Variants in FMN2 observed in about 807,000 individuals in gnomAD.
FMN2 encodes the protein formin-2.
In FMN2, 51 loss-of-function variants were observed where a neutral mutation model predicts 142.3. The observed-to-expected ratio is 0.36, with a 90% confidence interval of 0.29 to 0.45. FMN2 has a LOEUF of 0.45. Among genes scored for constraint, FMN2 ranks in the 20% least tolerant of loss-of-function variants. The probability of loss-of-function intolerance (pLI) is 1.00; values close to 1 mark genes in which losing one functional copy is unlikely to be tolerated. For synonymous variants in FMN2, 882 were observed against 869.8 expected (o/e 1.01, Z -0.25); for missense variants, 1,936 against 2,122.8 (o/e 0.91, Z 1.73).
At position 240,101,940 on chromosome 1, in the gene FMN2, T is replaced by G. The variant is rs148649404; in HGVS notation, c.1615+8216T>G. On this transcript the variant is annotated intron_variant, in intron 1 of 17. Transcript: ENST00000319653. ...AAATATACTGAGTCATTACTTTTAGTTTCATTATCTGCAATGTAAGTCATC... is the reference window on the plus strand; with the variant it reads ...AAATATACTGAGTCATTACTTTTAGGTTCATTATCTGCAATGTAAGTCATC... Among the ~76,000 whole-genome samples, 927 of 152,318 alleles carry G rather than the reference T, an allele frequency of 6.1e-3. 3 individuals are homozygous for G. The highest frequency in any genetic ancestry group is 0.031 in the South Asian group (151 of 4,826).
At chr1:240,301,034 A>G (rs1670181921) in intron 8 of FMN2, among the ~76,000 whole-genome samples, 1 of 151,658 alleles carries the variant, frequency 6.6e-6, no homozygotes, top group African/African-American at 2.4e-5. Flanking sequence ...TTCTTGGAGC[A>G]TTTAGATTGT....
intron 8 of FMN2, among the ~76,000 whole-genome samples, chr1:240,319,823 A>G (rs1269090182): frequency 6.6e-6 from 1 of 152,194 alleles, no homozygotes; most frequent in Non-Finnish European, 1.5e-5. Context: ...GCTTAGCACC[A>G]TTCATAAACT....
chr1:240,297,421 C>G (rs980020843), intron 8 of FMN2, among the ~76,000 whole-genome samples: 2 of 151,694 alleles, frequency 1.3e-5, no homozygotes, highest in Non-Finnish European at 2.9e-5. Context: ...TGGTGAAACC[C>G]CGTCTCTACT....
chr1:240,289,365 T>C (rs1669697962), intron 7 of FMN2, among the ~76,000 whole-genome samples: 1 of 152,072 alleles, frequency 6.6e-6, no homozygotes, highest in East Asian at 1.9e-4. Flanking sequence ...AGTAATCCTA[T>C]CATATTGAAT....
chr1:240,339,508 T>C (rs1671676263), intron 13 of FMN2, among the ~76,000 whole-genome samples: 1 of 152,098 alleles, frequency 6.6e-6, no homozygotes, highest in Admixed American at 6.6e-5. Context: ...ACTACTGTTT[T>C]ATGATTTTTA....
At chr1:240,351,028 G>A (rs1204111986) in intron 13 of FMN2, among the ~76,000 whole-genome samples, 1 of 152,210 alleles carries the variant, frequency 6.6e-6, no homozygotes, top group African/African-American at 2.4e-5. Flanking sequence ...TGGTAATACA[G>A]CAAAGTGAGT....
chr1:240,380,347 A>T (rs981776436), intron 14 of FMN2, among the ~76,000 whole-genome samples: 3 of 152,168 alleles, frequency 2.0e-5, no homozygotes, highest in Non-Finnish European at 4.4e-5. Context: ...AAAACTACAC[A>T]AGCATGTGGA....
intron 15 of FMN2, among the ~76,000 whole-genome samples, chr1:240,428,892 C>T (rs923407401): frequency 6.6e-6 from 1 of 152,152 alleles, no homozygotes; most frequent in Admixed American, 6.6e-5. Flanking sequence ...TGTTTCTGTT[C>T]CATTGCCTTG....
At position 240,453,991 on chromosome 1, in the gene FMN2, G is replaced by C. The variant is rs1479062168; in HGVS notation, c.5060+15781G>C. Among the ~76,000 whole-genome samples, 2 of 6,818 alleles carry C rather than the reference G, an allele frequency of 2.9e-4. 1 individual carries two copies. Among genetic ancestry groups the C allele is most frequent in the African/African-American group, 7.4e-4 (2 of 2,708 alleles). 4.5% of individuals were successfully genotyped at this position (6,818 alleles called of 152,430 possible). On this transcript the variant is annotated intron_variant, in intron 16 of 17. Transcript: ENST00000319653. ...GGCCTGGGCGACAGAGCGAGACTCTGCCTCAAAAAAAAAAAAAAAAAAAAA... is the reference window on the plus strand; with the variant it reads ...GGCCTGGGCGACAGAGCGAGACTCTCCCTCAAAAAAAAAAAAAAAAAAAAA...
chr1:240,101,501 T>G (rs1163533372), intron 1 of FMN2, among the ~76,000 whole-genome samples: 1 of 151,210 alleles, frequency 6.6e-6, no homozygotes, highest in African/African-American at 2.4e-5. Flanking sequence ...CGTGTGTGTG[T>G]GTGTGTATGT....
chr1:240,221,734 T>A (rs930484639), intron 6 of FMN2, among the ~76,000 whole-genome samples: 1 of 152,126 alleles, frequency 6.6e-6, no homozygotes, highest in Non-Finnish European at 1.5e-5. Context: ...TGCTCTTTAA[T>A]TAGATCCCGT....
At chr1:240,276,419 A>G (rs1669214882) in intron 7 of FMN2, among the ~76,000 whole-genome samples, 1 of 152,024 alleles carries the variant, frequency 6.6e-6, no homozygotes, top group African/African-American at 2.4e-5. Context: ...GTGAGGGACA[A>G]TATAATTTGA....
chr1:240,244,764 A>G (rs1216182452), intron 6 of FMN2, among the ~76,000 whole-genome samples: 1 of 152,114 alleles, frequency 6.6e-6, no homozygotes, highest in Non-Finnish European at 1.5e-5. Flanking sequence ...GAGAAAATTG[A>G]CTTTTCAGAA....
chr1:240,325,330 G>A lies in FMN2; in HGVS notation c.4216-3746G>A, dbSNP rs1392524139. On this transcript the variant is annotated intron_variant, in intron 8 of 17. Coordinates refer to ENST00000319653, the MANE Select transcript of FMN2 (RefSeq NM_020066.5). ...TGCACTTCAGCCTGGGTGACACGGT[G>A]AGACCCTGTCTCCAAAAAAAAAAAA... 3.9e-5 allele frequency among the ~76,000 whole-genome samples: 5 copies of A among 126,778 alleles called. No homozygotes were observed. The Admixed American group carries it at 4.3e-4, about 11-fold the overall frequency. 83.2% of individuals were successfully genotyped at this position (126,778 alleles called of 152,430 possible).
chr1:240,176,200 A>G (rs1664905144), intron 2 of FMN2, among the ~76,000 whole-genome samples: 1 of 152,168 alleles, frequency 6.6e-6, no homozygotes, highest in Non-Finnish European at 1.5e-5. Context: ...CTTATGTTTC[A>G]GTCTTTGTTC....
intron 8 of FMN2, among the ~76,000 whole-genome samples, chr1:240,318,635 A>C (rs1670869596): frequency 6.6e-6 from 1 of 152,134 alleles, no homozygotes; most frequent in Non-Finnish European, 1.5e-5. Context: ...AATAATTGTT[A>C]ATCAGTAAAA....
intron 15 of FMN2, among the ~76,000 whole-genome samples, chr1:240,402,217 A>G (rs1256143379): frequency 6.6e-6 from 1 of 152,246 alleles, no homozygotes; most frequent in Non-Finnish European, 1.5e-5. Context: ...ATTGTCTTCT[A>G]TAAATAGTAT....
intron 16 of FMN2, among the ~76,000 whole-genome samples, chr1:240,447,597 C>T (rs921096013): frequency 5.3e-5 from 8 of 152,160 alleles, no homozygotes; most frequent in African/African-American, 1.9e-4. Flanking sequence ...GGTGGAAATA[C>T]AAAATGGCTT....
Position 240,206,938 on chromosome 1 carries a change from A to G in FMN2, c.2126A>G (p.Gln709Arg), listed in dbSNP as rs1666373692. 6.2e-7 allele frequency: 1 copy of G among 1,614,056 alleles called. No homozygotes were observed. Among genetic ancestry groups the G allele is most frequent in the Non-Finnish European group, 8.5e-7 (1 of 1,180,030 alleles). The change falls in exon 5 of 18, where the codon CAA becomes CGA. Residue 709 changes from glutamine to arginine, a missense_variant. Coordinates refer to ENST00000319653, the MANE Select transcript of FMN2 (RefSeq NM_020066.5). ...ALDTEVASGH[Q>R]GLENGVTASG... ...GACACAGAGGTGGCCAGTGGTCATC[A>G]AGGGCTTGAGAATGGAGTGACAGCC... is the stretch of plus-strand genomic sequence containing the variant.
Sources: allele counts gnomAD v4.1 joint callset (sites outside exome capture counted in the v4.1 genomes callset), GRCh38; gene constraint gnomAD v4.1.1; transcripts MANE v1.5; gene names NCBI Gene and HGNC (gene_info 2026-07-23, HGNC 2026-07-21).